The following SLC44A5 variants were observed in gnomAD, a reference collection of about 807,000 sequenced individuals.
The protein encoded by SLC44A5 is choline transporter-like protein 5.
A neutral mutation model predicts 101.8 loss-of-function variants in SLC44A5; 57 were observed. The ratio of observed to expected loss-of-function variants is 0.56; its 90% CI spans 0.45 to 0.70. The LOEUF is 0.70. Ranked by LOEUF, SLC44A5 falls within the 30% of genes least tolerant of loss-of-function variation. The pLI is 0.00. For synonymous variants in SLC44A5, 281 were observed against 290.9 expected (o/e 0.97, Z 0.35); for missense variants, 737 against 853.1 (o/e 0.86, Z 1.70).
At chr1:75,390,739 C>T (rs1403921498) in intron 3 of SLC44A5, among the ~76,000 whole-genome samples, 1 of 152,066 alleles carries the variant, frequency 6.6e-6, no homozygotes, top group Non-Finnish European at 1.5e-5. Flanking sequence ...CAACATCATA[C>T]TAAAAGAGCA....
At chr1:75,408,099 A>C (rs1171307032) in intron 2 of SLC44A5, among the ~76,000 whole-genome samples, 1 of 152,178 alleles carries the variant, frequency 6.6e-6, no homozygotes, top group East Asian at 1.9e-4. Context: ...GTGGCCTACA[A>C]ACATATGAAA....
the SLC44A5 span, among the ~76,000 whole-genome samples, chr1:75,626,398 T>G: frequency 6.6e-6 from 1 of 152,136 alleles, no homozygotes; most frequent in Non-Finnish European, 1.5e-5. Context: ...CTAATATACC[T>G]GCAATGGTGT....
At chr1:75,479,173 G>C (rs1667649635) in intron 2 of SLC44A5, among the ~76,000 whole-genome samples, 1 of 152,094 alleles carries the variant, frequency 6.6e-6, no homozygotes, top group Non-Finnish European at 1.5e-5. Flanking sequence ...ACGAAATGAA[G>C]GCAGAAATAA....
chr1:75,625,692 C>T, the SLC44A5 span, among the ~76,000 whole-genome samples: 1 of 152,188 alleles, frequency 6.6e-6, no homozygotes, highest in East Asian at 1.9e-4. Flanking sequence ...AGTGATACTG[C>T]GTCTCTTATT....
chr1:75,525,246 A>C (rs1032257358), intron 2 of SLC44A5, among the ~76,000 whole-genome samples: 3 of 152,208 alleles, frequency 2.0e-5, no homozygotes, highest in African/African-American at 7.2e-5. Flanking sequence ...CAATGAAGAG[A>C]TTTGGTGATG....
chr1:75,583,026 T>C (rs1452238987), intron 1 of SLC44A5, among the ~76,000 whole-genome samples: 1 of 152,206 alleles, frequency 6.6e-6, no homozygotes, highest in African/African-American at 2.4e-5. Flanking sequence ...AATTTTGTCA[T>C]CCAGTATTAA....
At chr1:75,406,233 CA>C (rs1303742628) in intron 2 of SLC44A5, among the ~76,000 whole-genome samples, 1 of 151,996 alleles carries the variant, frequency 6.6e-6, no homozygotes, top group South Asian at 2.1e-4. Flanking sequence ...GCCTACCAAC[CA>C]AAAAAAGCCC....
intron 23 of SLC44A5, 69 bp downstream of exon 23, chr1:75,211,399 C>T: frequency 3.2e-6 from 4 of 1,233,498 alleles, no homozygotes; most frequent in Non-Finnish European, 3.5e-6. Context: ...CAGCTAAGGA[C>T]ATGGGCCTTC....
intron 2 of SLC44A5, among the ~76,000 whole-genome samples, chr1:75,451,134 G>T (rs1665884763): frequency 6.6e-6 from 1 of 152,172 alleles, no homozygotes; most frequent in African/African-American, 2.4e-5. Flanking sequence ...ACTGGTGCTT[G>T]TGCCTGCCAG....
intron 5 of SLC44A5, among the ~76,000 whole-genome samples, chr1:75,283,159 C>T (rs1652752365): frequency 1.2e-5 from 1 of 86,202 alleles, no homozygotes; most frequent in African/African-American, 4.8e-5. Context: ...ACATCTACAT[C>T]AGCATCTATT....
intron 2 of SLC44A5, among the ~76,000 whole-genome samples, chr1:75,423,352 A>G (rs573804039): frequency 6.6e-6 from 1 of 152,330 alleles, no homozygotes; most frequent in African/African-American, 2.4e-5. Context: ...TCTGCTCGTT[A>G]TATGAATCTT....
At chr1:75,462,502 A>G (rs1205509433) in intron 2 of SLC44A5, among the ~76,000 whole-genome samples, 1 of 152,198 alleles carries the variant, frequency 6.6e-6, no homozygotes, top group Non-Finnish European at 1.5e-5. Flanking sequence ...AAGAATGAAG[A>G]CAATCCATGA....
intron 2 of SLC44A5, among the ~76,000 whole-genome samples, chr1:75,438,794 T>G (rs1295836653): frequency 6.6e-6 from 1 of 152,020 alleles, no homozygotes; most frequent in Admixed American, 6.6e-5. Flanking sequence ...ATATAAACTT[T>G]CAATTAAAAA....
chr1:75,542,144 T>G (rs184977160), intron 1 of SLC44A5, among the ~76,000 whole-genome samples: 42 of 152,262 alleles, frequency 2.8e-4, no homozygotes, highest in Admixed American at 2.7e-3. Context: ...GCAGCATTTT[T>G]TTCTATGTAT....
chr1:75,506,528 GT>G (rs1209404792), intron 2 of SLC44A5, among the ~76,000 whole-genome samples: 2 of 152,102 alleles, frequency 1.3e-5, no homozygotes, highest in African/African-American at 4.8e-5. Context: ...ATTCAGCAGT[GT>G]TTCGTAGTTC....
the SLC44A5 span, among the ~76,000 whole-genome samples, chr1:75,659,160 A>T: frequency 6.6e-6 from 1 of 151,722 alleles, no homozygotes; most frequent in Non-Finnish European, 1.5e-5. Context: ...AAAGTCCAGG[A>T]CCTGATGGCT....
intron 1 of SLC44A5, among the ~76,000 whole-genome samples, chr1:75,560,415 C>T (rs967578212): frequency 3.3e-5 from 5 of 152,008 alleles, no homozygotes; most frequent in Admixed American, 2.6e-4. Flanking sequence ...AAGTGGTTGT[C>T]TAGGATTGGC....
At position 75,606,377 on chromosome 1, in the gene SLC44A5, C is replaced by T. The variant is rs373626094; in HGVS notation, c.-70+4663G>A. Among the ~76,000 whole-genome samples, 6 of 152,062 alleles carry T rather than the reference C, an allele frequency of 3.9e-5. No homozygotes were observed. The South Asian group carries it at 1.0e-3, about 26-fold the overall frequency. On this transcript the variant is annotated intron_variant, in intron 1 of 23. Coordinates refer to ENST00000370859, the MANE Select transcript of SLC44A5 (RefSeq NM_001130058.2). ...GACCATTCTACATTAATTCATCTTA[C>T]CTCCATAGGAAACTGTCATAAAAAG...
chr1:75,276,837 G>A (rs1442669788), intron 5 of SLC44A5, among the ~76,000 whole-genome samples: 2 of 152,136 alleles, frequency 1.3e-5, no homozygotes, highest in Non-Finnish European at 2.9e-5. Flanking sequence ...TTAATGAGTG[G>A]AATACTGTTG....
Sources: gnomAD v4.1 joint callset for allele counts (sites outside exome capture counted in the v4.1 genomes callset) on GRCh38, gnomAD v4.1.1 for gene constraint, MANE v1.5 for transcripts, NCBI Gene and HGNC (gene_info 2026-07-23, HGNC 2026-07-21) for gene names.